SLC71A2: variants seen among roughly 807,000 people sequenced by gnomAD.
The protein encoded by SLC71A2 is hippocampus abundant transcript-like 1.
the SLC71A2 span, among the ~76,000 whole-genome samples, chr9:94,385,922 T>C: frequency 6.6e-6 from 1 of 152,200 alleles, no homozygotes; most frequent in Non-Finnish European, 1.5e-5. Context: ...AAGGTCTTGC[T>C]GTGTTGCCCA....
At chr9:94,406,773 A>T in the SLC71A2 span, among the ~76,000 whole-genome samples, 1 of 152,054 alleles carries the variant, frequency 6.6e-6, no homozygotes, top group African/African-American at 2.4e-5. Context: ...AACTTTGTTA[A>T]ATTCATTTAT....
the SLC71A2 span, among the ~76,000 whole-genome samples, chr9:94,420,439 C>T: frequency 6.6e-6 from 1 of 152,100 alleles, no homozygotes; most frequent in South Asian, 2.1e-4. Context: ...TAAATAAATG[C>T]TCCCAGTTTG....
chr9:94,374,961 C>T, the SLC71A2 span: 2 of 1,243,426 alleles, frequency 1.6e-6, no homozygotes, highest in Non-Finnish European at 2.0e-6. Context: ...CTGCCTGAAT[C>T]CCGGGGAGGC....
At chr9:94,400,741 T>C in the SLC71A2 span, among the ~76,000 whole-genome samples, 1 of 152,190 alleles carries the variant, frequency 6.6e-6, no homozygotes, top group East Asian at 1.9e-4. Context: ...AAAGTTAACA[T>C]GTACTGAGGC....
the SLC71A2 span, among the ~76,000 whole-genome samples, chr9:94,405,970 A>C: frequency 6.7e-6 from 1 of 150,208 alleles, no homozygotes; most frequent in African/African-American, 2.5e-5. Context: ...AATTTCTTTC[A>C]GCAGTGTCTT....
the SLC71A2 span, among the ~76,000 whole-genome samples, chr9:94,443,587 C>T: frequency 6.6e-6 from 1 of 152,112 alleles, no homozygotes; most frequent in African/African-American, 2.4e-5. Context: ...ATTTATTCAT[C>T]AGAGTTGTAT....
At chr9:94,412,160 G>A in the SLC71A2 span, among the ~76,000 whole-genome samples, 2 of 152,028 alleles carry the variant, frequency 1.3e-5, no homozygotes, top group African/African-American at 4.8e-5. Context: ...GCTTAATTTT[G>A]CATGTTTCTT....
the SLC71A2 span, among the ~76,000 whole-genome samples, chr9:94,451,031 T>C: frequency 2.0e-4 from 30 of 152,262 alleles, no homozygotes; most frequent in Middle Eastern, 3.4e-3. Flanking sequence ...GCTCTCCTTA[T>C]CCCTTGTCTT....
At chr9:94,405,474 G>C in the SLC71A2 span, among the ~76,000 whole-genome samples, 49 of 150,786 alleles carry the variant, frequency 3.2e-4, no homozygotes, top group East Asian at 6.4e-3. Context: ...ACTCCAGCCT[G>C]GGCGACAGAG....
At chr9:94,432,730 T>C in the SLC71A2 span, 11 of 339,402 alleles carry the variant, frequency 3.2e-5, no homozygotes, top group Non-Finnish European at 6.0e-5. Context: ...TGCCAAACTT[T>C]CTATGCACAG....
chr9:94,456,244 A>C, the SLC71A2 span: 1 of 1,613,518 alleles, frequency 6.2e-7, no homozygotes, highest in Non-Finnish European at 8.5e-7. Flanking sequence ...TTGCAGGATG[A>C]TGTGGGCAGC....
chr9:94,459,437 A>C, the SLC71A2 span: 1 of 1,611,432 alleles, frequency 6.2e-7, no homozygotes, highest in Non-Finnish European at 8.5e-7. Context: ...GGGATTCTGC[A>C]TACGCCATCT....
At chr9:94,377,485 T>G in the SLC71A2 span, among the ~76,000 whole-genome samples, 1 of 147,852 alleles carries the variant, frequency 6.8e-6, no homozygotes, top group African/African-American at 2.5e-5. Flanking sequence ...TCCTCTCACC[T>G]CAGCCTCCTG....
At chr9:94,400,698 TC>T in the SLC71A2 span, among the ~76,000 whole-genome samples, 4 of 152,188 alleles carry the variant, frequency 2.6e-5, no homozygotes, top group Admixed American at 6.5e-5. Context: ...CTGCGTTCCA[TC>T]CTGGGATTCT....
At chr9:94,439,478 TTTC>T in the SLC71A2 span, among the ~76,000 whole-genome samples, 4 of 152,044 alleles carry the variant, frequency 2.6e-5, no homozygotes, top group African/African-American at 9.7e-5. Flanking sequence ...AGAGATGCTC[TTTC>T]TTATGTGAAG....
At chr9:94,448,238 C>A in the SLC71A2 span, among the ~76,000 whole-genome samples, 1 of 152,138 alleles carries the variant, frequency 6.6e-6, no homozygotes, top group Non-Finnish European at 1.5e-5. Context: ...CTGTGGACTT[C>A]AGGGGGACTC....
chr9:94,444,050 T>C, the SLC71A2 span, among the ~76,000 whole-genome samples: 2 of 152,202 alleles, frequency 1.3e-5, no homozygotes, highest in Admixed American at 6.5e-5. Flanking sequence ...AGTTGGGAGA[T>C]GATGGATGAA....
At chr9:94,379,838 A>G in the SLC71A2 span, among the ~76,000 whole-genome samples, 2 of 152,258 alleles carry the variant, frequency 1.3e-5, no homozygotes, top group African/African-American at 2.4e-5. Flanking sequence ...CCAGGAAAGT[A>G]TTCAATGGTA....
the SLC71A2 span, among the ~76,000 whole-genome samples, chr9:94,424,919 A>C: frequency 2.4e-5 from 3 of 126,560 alleles, no homozygotes; most frequent in African/African-American, 6.5e-5. Context: ...TTTTTTTTTT[A>C]AATAATAAAT....
Sources: gnomAD v4.1 joint callset for allele counts (sites outside exome capture counted in the v4.1 genomes callset) on GRCh38, gnomAD v4.1.1 for gene constraint, MANE v1.5 for transcripts, NCBI Gene and HGNC (gene_info 2026-07-23, HGNC 2026-07-21) for gene names.